The following YWHAQ variants were observed in gnomAD, a reference collection of about 807,000 sequenced individuals.
YWHAQ encodes the protein 14-3-3 protein theta.
In YWHAQ, 6 loss-of-function variants were observed where a neutral mutation model predicts 28.3. The ratio of observed to expected loss-of-function variants is 0.21; its 90% CI spans 0.12 to 0.42. The LOEUF (loss-of-function observed/expected upper bound fraction) is 0.42. YWHAQ is among the 10% of genes least tolerant of loss of function. YWHAQ has a pLI of 1.00. For synonymous variants in YWHAQ, 143 were observed against 119.1 expected (o/e 1.20, Z -1.31); for missense variants, 201 against 305.6 (o/e 0.66, Z 2.55).
intron 5 of YWHAQ, among the ~76,000 whole-genome samples, chr2:9,585,662 C>T (rs550402385): frequency 3.3e-5 from 5 of 152,106 alleles, no homozygotes; most frequent in East Asian, 3.9e-4. Flanking sequence ...AATCTCAGCA[C>T]GTAGGGAGGC....
chr2:9,617,524 G>C (rs1231657062), intron 2 of YWHAQ, among the ~76,000 whole-genome samples: 1 of 152,190 alleles, frequency 6.6e-6, no homozygotes, highest in African/African-American at 2.4e-5. Context: ...AGTTGCAGAC[G>C]ATGGTTGCTG....
intron 2 of YWHAQ, among the ~76,000 whole-genome samples, chr2:9,619,816 A>G (rs942966690): frequency 6.6e-6 from 1 of 152,222 alleles, no homozygotes; most frequent in African/African-American, 2.4e-5. Context: ...ATATTCCCAA[A>G]TGACTGGAAA....
chr2:9,587,207 T>C (rs1666361571), intron 5 of YWHAQ, among the ~76,000 whole-genome samples: 1 of 152,218 alleles, frequency 6.6e-6, no homozygotes, highest in African/African-American at 2.4e-5. Context: ...GTTCCTATCA[T>C]GTTAGAACCT....
rs755141288 is a variant in YWHAQ at position 9,585,281 on chromosome 2, T to C, written c.*5A>G. On this transcript the variant is annotated 3_prime_UTR_variant, in exon 6 of 6. Coordinates refer to ENST00000238081, the MANE Select transcript of YWHAQ (RefSeq NM_006826.4). Reference sequence around the variant, plus strand: ...AAGGAAAGAAGGATGACACCCTGTATGGATTTAGTTTTCAGCCCCTTCTGC... The same window carrying C: ...AAGGAAAGAAGGATGACACCCTGTACGGATTTAGTTTTCAGCCCCTTCTGC... 2.5e-6 allele frequency: 4 copies of C among 1,613,990 alleles called. No homozygotes were observed. Among genetic ancestry groups the C allele is most frequent in the East Asian group, 2.2e-5 (1 of 44,886 alleles).
intron 2 of YWHAQ, among the ~76,000 whole-genome samples, chr2:9,597,381 C>T (rs889357235): frequency 6.6e-6 from 1 of 152,174 alleles, no homozygotes; most frequent in Non-Finnish European, 1.5e-5. Context: ...GACACAGTGG[C>T]TCACGCCTAT....
chr2:9,600,630 G>A (rs1287671940), intron 2 of YWHAQ, among the ~76,000 whole-genome samples: 4 of 152,168 alleles, frequency 2.6e-5, no homozygotes, highest in African/African-American at 7.2e-5. Context: ...GATTGAACCC[G>A]GGAGGCAGAG....
chr2:9,612,720 G>A (rs1338434613), intron 2 of YWHAQ, among the ~76,000 whole-genome samples: 1 of 152,176 alleles, frequency 6.6e-6, no homozygotes, highest in Non-Finnish European at 1.5e-5. Flanking sequence ...GGTATTGGGA[G>A]GAAAGTTTAA....
Position 9,592,724 on chromosome 2 carries a change from A to AAAAAAC in YWHAQ, c.295-1215_295-1210dup, listed in dbSNP as rs554575086. 3.0e-4 allele frequency among the ~76,000 whole-genome samples: 46 copies of AAAAAAC among 152,268 alleles called. 1 individual carries two copies. In the East Asian group the frequency reaches 5.8e-3, roughly 19 times the overall value. ...CGGGTGACAGTGTGGACTCCATCTC[A>AAAAAAC]AAAAACAAAAACAAAAACAAAAAAA... is the stretch of plus-strand genomic sequence containing the variant. On this transcript the variant is annotated intron_variant, in intron 2 of 5. Transcript: ENST00000238081.
intron 2 of YWHAQ, among the ~76,000 whole-genome samples, chr2:9,596,416 C>T (rs1311104754): frequency 6.6e-6 from 1 of 152,102 alleles, no homozygotes; most frequent in Non-Finnish European, 1.5e-5. Context: ...AAGCGATTTC[C>T]ATTTTACAGA....
intron 3 of YWHAQ, among the ~76,000 whole-genome samples, chr2:9,589,564 CAA>C (rs1284895943): frequency 6.6e-6 from 1 of 152,082 alleles, no homozygotes; most frequent in Non-Finnish European, 1.5e-5. Flanking sequence ...ACCTGGGCAA[CAA>C]GAGCAAAACT....
At chr2:9,621,572 GA>G (rs1667143354) in intron 2 of YWHAQ, among the ~76,000 whole-genome samples, 1 of 150,722 alleles carries the variant, frequency 6.6e-6, no homozygotes, top group African/African-American at 2.5e-5. Context: ...ACAAGCTGAA[GA>G]CATAAGTACA....
intron 5 of YWHAQ, 31 bp from the exon 6 acceptor site, chr2:9,585,376 A>G: frequency 6.2e-7 from 1 of 1,611,374 alleles, no homozygotes; most frequent in South Asian, 1.1e-5. Flanking sequence ...TTAAGTTACT[A>G]TTTCTAGATT....
At chr2:9,612,777 C>G (rs1269897469) in intron 2 of YWHAQ, among the ~76,000 whole-genome samples, 4 of 152,236 alleles carry the variant, frequency 2.6e-5, no homozygotes, top group South Asian at 4.1e-4. Context: ...TAAAGCCACC[C>G]GAGCCCATGA....
chr2:9,629,169 T>C (rs545424435), intron 2 of YWHAQ, among the ~76,000 whole-genome samples: 7 of 152,086 alleles, frequency 4.6e-5, no homozygotes. Context: ...AAATATGATG[T>C]GCACAAACAC....
chr2:9,630,479 G>C lies in YWHAQ; in HGVS notation c.-27C>G, dbSNP rs745504240. On this transcript the variant is annotated 5_prime_UTR_variant, in exon 2 of 6. Coordinates refer to ENST00000238081, the MANE Select transcript of YWHAQ (RefSeq NM_006826.4). The surrounding 1 kb of genome is among the most constrained non-coding windows in gnomAD (Gnocchi z 5.6). ...GCGGGCGCGGGGCCGGGGCCGGGGC[G>C]GAGGGCGAGGAGAGCGAGGGCGAGC... The C allele has an allele frequency of 5.5e-5, 65 of 1,181,476 alleles. 1 individual carries two copies. The highest frequency in any genetic ancestry group is 1.8e-4 in the South Asian group (13 of 71,518). The allele number at this position is 1,181,476 out of a possible 1,614,324, so 73.2% of individuals were successfully genotyped here.
intron 2 of YWHAQ, among the ~76,000 whole-genome samples, chr2:9,621,033 TAA>T (rs1667132301): frequency 6.6e-6 from 1 of 152,224 alleles, no homozygotes; most frequent in African/African-American, 2.4e-5. Flanking sequence ...TTCATAAGTC[TAA>T]GATATTTGCT....
chr2:9,606,125 A>T (rs1190084585), intron 2 of YWHAQ, among the ~76,000 whole-genome samples: 3 of 152,204 alleles, frequency 2.0e-5, no homozygotes, highest in Non-Finnish European at 4.4e-5. Context: ...TGGTATTTCC[A>T]ACTATGCACC....
chr2:9,627,765 C>T (rs948725012), intron 2 of YWHAQ, among the ~76,000 whole-genome samples: 1 of 152,172 alleles, frequency 6.6e-6, no homozygotes, highest in African/African-American at 2.4e-5. Flanking sequence ...GCCTTCCTTT[C>T]CAGGCTTGTC....
intron 2 of YWHAQ, among the ~76,000 whole-genome samples, chr2:9,616,364 A>G (rs1667040840): frequency 6.6e-6 from 1 of 152,082 alleles, no homozygotes; most frequent in African/African-American, 2.4e-5. Context: ...TAAAACTTAG[A>G]AGAAATCATA....
Sources: allele counts gnomAD v4.1 joint callset (sites outside exome capture counted in the v4.1 genomes callset), GRCh38; gene constraint gnomAD v4.1.1; non-coding constraint Gnocchi (gnomAD v3.1); transcripts MANE v1.5; gene names NCBI Gene and HGNC (gene_info 2026-07-23, HGNC 2026-07-21).